The following B3GALT1 variants were observed in gnomAD, a reference collection of about 807,000 sequenced individuals.
The protein encoded by B3GALT1 is UDP-Gal:betaGlcNAc beta 1,3-galactosyltransferase, polypeptide 1.
B3GALT1 carries 10 observed loss-of-function variants against 23.2 expected under a neutral mutation model. The ratio of observed to expected loss-of-function variants is 0.43; its 90% confidence interval spans 0.27 to 0.73. The LOEUF (loss-of-function observed/expected upper bound fraction) is 0.73, where lower values mean the gene tolerates loss of function less well. Ranked by LOEUF, B3GALT1 falls within the 30% of genes least tolerant of loss-of-function variation. The pLI is 0.21. For missense variants in B3GALT1, 299 were observed against 405.4 expected, an observed-to-expected ratio of 0.74 and a Z score of 2.25; for synonymous variants, 156 against 141.5, an observed-to-expected ratio of 1.10 and a Z score of -0.73.
At chr2:167,778,674 T>A (rs1266071247) in intron 3 of B3GALT1, among the ~76,000 whole-genome samples, 1 of 152,240 alleles carries the variant, frequency 6.6e-6, no homozygotes, top group Admixed American at 6.5e-5. Context: ...TATAAGTAAC[T>A]TATGTCCTTT....
chr2:167,701,287 G>A lies in B3GALT1; in HGVS notation c.-352+54321G>A, dbSNP rs1446417028. On this transcript the variant is annotated intron_variant, in intron 3 of 4. Coordinates refer to ENST00000392690, the MANE Select transcript of B3GALT1 (RefSeq NM_020981.4). ...GCTTTCTTATGGGGGGAGGAGGGGC[G>A]TGACCACCAGATATGGTGAGGGGGA... Among the ~76,000 whole-genome samples the A allele has an allele frequency of 5.9e-5, 9 of 151,894 alleles. No individual in the cohort carries two copies. In the East Asian group the frequency reaches 1.4e-3, roughly 23 times the overall value.
At chr2:167,845,286 CA>C (rs1473550854) in intron 4 of B3GALT1, among the ~76,000 whole-genome samples, 1 of 152,166 alleles carries the variant, frequency 6.6e-6, no homozygotes, top group African/African-American at 2.4e-5. Context: ...GAAGTCCAAG[CA>C]GCACAAAAAC....
intron 1 of B3GALT1, among the ~76,000 whole-genome samples, chr2:167,293,858 A>G (rs1188895722): frequency 6.8e-6 from 1 of 146,870 alleles, no homozygotes; most frequent in East Asian, 2.1e-4. Context: ...TGCCCCGGGG[A>G]CTTCGGAGGG....
intron 3 of B3GALT1, among the ~76,000 whole-genome samples, chr2:167,661,461 T>G (rs545668961): frequency 4.5e-4 from 69 of 152,100 alleles, no homozygotes; most frequent in African/African-American, 1.5e-3. Flanking sequence ...GCCACTCCAT[T>G]CTAAACTGTT....
chr2:167,647,816 A>T (rs760182510), intron 3 of B3GALT1, among the ~76,000 whole-genome samples: 2 of 151,768 alleles, frequency 1.3e-5, no homozygotes, highest in Non-Finnish European at 2.9e-5. Context: ...TGGTGGTTGT[A>T]TGTATTTATG....
At chr2:167,512,550 A>T (rs1700025009) in intron 2 of B3GALT1, among the ~76,000 whole-genome samples, 2 of 89,876 alleles carry the variant, frequency 2.2e-5, no homozygotes, top group South Asian at 8.1e-4. Flanking sequence ...ATATATGTAT[A>T]TATATGTATA....
intron 3 of B3GALT1, among the ~76,000 whole-genome samples, chr2:167,748,289 A>G (rs917192264): frequency 6.6e-6 from 1 of 152,054 alleles, no homozygotes; most frequent in African/African-American, 2.4e-5. Context: ...TTTCATGCAG[A>G]TCACCTAAGG....
At chr2:167,303,570 G>A (rs779362685) in intron 1 of B3GALT1, among the ~76,000 whole-genome samples, 3 of 151,568 alleles carry the variant, frequency 2.0e-5, no homozygotes, top group Non-Finnish European at 2.9e-5. Context: ...AAGCAGAAAG[G>A]TAGAGGAAGG....
At chr2:167,697,422 T>C (rs905430910) in intron 3 of B3GALT1, among the ~76,000 whole-genome samples, 3 of 152,218 alleles carry the variant, frequency 2.0e-5, no homozygotes, top group African/African-American at 7.2e-5. Context: ...GGGCAATTTG[T>C]GGTCCTGTTC....
chr2:167,780,837 C>A lies in B3GALT1; in HGVS notation c.-351-37835C>A, dbSNP rs79964369. On this transcript the variant is annotated intron_variant, in intron 3 of 4. Transcript: ENST00000392690. ...AATGTGTAAAGTGTCACTCTATGGT[C>A]ATTGACAGAATACACCAAGAGGGGT... Among the ~76,000 whole-genome samples the A allele has an allele frequency of 9.1e-4, 139 of 152,290 alleles. 2 individuals are homozygous for A. The East Asian group carries it at 0.023, about 25-fold the overall frequency.
intron 3 of B3GALT1, among the ~76,000 whole-genome samples, chr2:167,733,395 T>G (rs112176252): frequency 0.029 from 4,449 of 151,674 alleles, 97 homozygotes; most frequent in Non-Finnish European, 0.048. Flanking sequence ...TAATCTTTCT[T>G]AAAACATTAT....
In B3GALT1 at chr2:167,715,188, A is replaced by G. The variant is rs925952930; in HGVS notation, c.-352+68222A>G. The stretch of plus-strand genomic sequence containing the variant: ...TTTTCCGATTGACTGTTCACTTCTA[A>G]TTCCAAGTTATCATCATCCGTTGTG... On this transcript the variant is annotated intron_variant, in intron 3 of 4. Coordinates refer to ENST00000392690, the MANE Select transcript of B3GALT1 (RefSeq NM_020981.4). The G allele has an allele frequency of 2.5e-6, 4 of 1,613,840 alleles. No individual in the cohort carries two copies. The African/African-American group carries it at 5.3e-5, about 22-fold the overall frequency.
In B3GALT1 at chr2:167,461,100, G is replaced by C. The variant is rs184376479; in HGVS notation, c.-510-29077G>C. Among the ~76,000 whole-genome samples, 133 of 152,250 alleles carry C rather than the reference G, an allele frequency of 8.7e-4. 1 individual carries two copies. Among genetic ancestry groups the C allele is most frequent in the African/African-American group, 2.9e-3 (120 of 41,558 alleles). On this transcript the variant is annotated intron_variant, in intron 1 of 4. Coordinates refer to ENST00000392690, the MANE Select transcript of B3GALT1 (RefSeq NM_020981.4). ...TACAGCAATGGCCACTCATTTGATTGTCTGCACGTCTGTGATCAGAAGCAG... is the reference window on the plus strand; with the variant it reads ...TACAGCAATGGCCACTCATTTGATTCTCTGCACGTCTGTGATCAGAAGCAG...
intron 2 of B3GALT1, among the ~76,000 whole-genome samples, chr2:167,610,327 G>A (rs1184038733): frequency 6.6e-6 from 1 of 152,090 alleles, no homozygotes; most frequent in Non-Finnish European, 1.5e-5. Flanking sequence ...CCTTCTTTTT[G>A]TAATAGGTTG....
At chr2:167,429,824 C>T (rs1408277766) in intron 1 of B3GALT1, among the ~76,000 whole-genome samples, 1 of 152,176 alleles carries the variant, frequency 6.6e-6, no homozygotes, top group Non-Finnish European at 1.5e-5. Context: ...CAATGCCTGA[C>T]TAATACCAAG....
intron 3 of B3GALT1, among the ~76,000 whole-genome samples, chr2:167,730,311 C>T (rs1687389629): frequency 6.6e-6 from 1 of 152,048 alleles, no homozygotes; most frequent in South Asian, 2.1e-4. Flanking sequence ...CATAGTGTGT[C>T]TCAATTCTTA....
chr2:167,406,654 T>C (rs187493714), intron 1 of B3GALT1, among the ~76,000 whole-genome samples: 11 of 151,926 alleles, frequency 7.2e-5, no homozygotes, highest in Admixed American at 6.6e-4. Context: ...CATGACTGAG[T>C]GAAGGAAGAA....
At chr2:167,427,388 T>C (rs973794046) in intron 1 of B3GALT1, among the ~76,000 whole-genome samples, 1 of 152,182 alleles carries the variant, frequency 6.6e-6, no homozygotes, top group African/African-American at 2.4e-5. Flanking sequence ...TATGACCTTA[T>C]AAATGTTAAT....
chr2:167,774,765 G>T (rs1474425699), intron 3 of B3GALT1, among the ~76,000 whole-genome samples: 2 of 151,738 alleles, frequency 1.3e-5, no homozygotes, highest in African/African-American at 4.8e-5. Context: ...CAAAGTGCTG[G>T]GATTACAGGC....
Sources: allele counts gnomAD v4.1 joint callset (sites outside exome capture counted in the v4.1 genomes callset), GRCh38; gene constraint gnomAD v4.1.1; transcripts MANE v1.5; gene names NCBI Gene and HGNC (gene_info 2026-07-23, HGNC 2026-07-21).